Variants in ZNF618 observed in about 807,000 individuals in gnomAD.
ZNF618 encodes the protein neural precursor cell expressed, developmentally down-regulated 10.
ZNF618 carries 34 observed loss-of-function variants against 103.0 expected under a neutral mutation model. That is an observed-to-expected ratio of 0.33 (90% CI 0.25 to 0.44). The LOEUF (loss-of-function observed/expected upper bound fraction) is 0.44, where lower values mean the gene tolerates loss of function less well. Ranked by LOEUF, ZNF618 falls within the 20% of genes least tolerant of loss-of-function variation. ZNF618 has a pLI of 1.00. For missense variants in ZNF618, 1,059 were observed against 1,295.4 expected, an observed-to-expected ratio of 0.82 and a Z score of 2.80; for synonymous variants, 551 against 542.2, an observed-to-expected ratio of 1.02 and a Z score of -0.23.
At chr9:113,960,915 A>C (rs144298969) in intron 1 of ZNF618, among the ~76,000 whole-genome samples, 125 of 152,310 alleles carry the variant, frequency 8.2e-4, no homozygotes, top group African/African-American at 2.8e-3. Context: ...GAGCCTGTGC[A>C]TGTTGGGTGG....
chr9:113,938,170 T>TG (rs1388085293), intron 1 of ZNF618, among the ~76,000 whole-genome samples: 2 of 141,946 alleles, frequency 1.4e-5, no homozygotes, highest in Non-Finnish European at 3.1e-5. Context: ...CTCCTGTTTT[T>TG]TTTTTTTTTT....
intron 13 of ZNF618, among the ~76,000 whole-genome samples, chr9:114,046,691 T>C (rs533782082): frequency 6.6e-6 from 1 of 152,310 alleles, no homozygotes; most frequent in Admixed American, 6.5e-5. Flanking sequence ...AGATGCTCTT[T>C]ATTAGGTTGG....
intron 1 of ZNF618, among the ~76,000 whole-genome samples, chr9:113,879,151 G>A (rs1056751776): frequency 4.0e-5 from 6 of 151,888 alleles, no homozygotes; most frequent in African/African-American, 1.5e-4. Context: ...CAGTGATGAA[G>A]GAGAGATGGG....
intron 1 of ZNF618, among the ~76,000 whole-genome samples, chr9:113,879,950 A>G (rs1430407244): frequency 6.6e-6 from 1 of 152,260 alleles, no homozygotes; most frequent in Admixed American, 6.5e-5. Flanking sequence ...AGCAACAAAG[A>G]TGGCTGGTCA....
chr9:113,956,725 G>T (rs900972996), intron 1 of ZNF618, among the ~76,000 whole-genome samples: 5 of 152,198 alleles, frequency 3.3e-5, no homozygotes, highest in Admixed American at 6.5e-5. Context: ...CTTCCTAGAG[G>T]TGGTTAGAGT....
chr9:113,998,677 T>C (rs533323406), intron 4 of ZNF618, among the ~76,000 whole-genome samples: 1 of 152,330 alleles, frequency 6.6e-6, no homozygotes, highest in East Asian at 1.9e-4. Flanking sequence ...CCAAATGTGT[T>C]TGGGAGACCC....
chr9:113,978,895 A>G (rs1185092290), intron 2 of ZNF618, among the ~76,000 whole-genome samples: 2 of 152,194 alleles, frequency 1.3e-5, no homozygotes, highest in Non-Finnish European at 2.9e-5. Flanking sequence ...CCAGCATGTC[A>G]TAAGCACTCA....
chr9:113,988,202 C>CG lies in ZNF618; in HGVS notation c.78-114dup. ...GGGTTGTGTGGGAGGCTAAGGGGGCCGGGGGCCCTAGAATTCACTATGCAC... is the reference window on the plus strand; with the variant it reads ...GGGTTGTGTGGGAGGCTAAGGGGGCCGGGGGGCCCTAGAATTCACTATGCAC... On this transcript the variant is annotated intron_variant, in intron 2 of 14. Transcript: ENST00000374126. The CG allele has an allele frequency of 5.1e-6, 7 of 1,364,314 alleles. No individual in the cohort carries two copies. In the South Asian group the frequency reaches 1.1e-4, roughly 21 times the overall value. The allele number at this position is 1,364,314 out of a possible 1,614,324, so 84.5% of individuals were successfully genotyped here.
chr9:113,976,475 A>G (rs1470126148), intron 2 of ZNF618, among the ~76,000 whole-genome samples: 1 of 152,158 alleles, frequency 6.6e-6, no homozygotes, highest in African/African-American at 2.4e-5. Flanking sequence ...CAACCTCACC[A>G]TCTGTCTGGC....
intron 6 of ZNF618, 85 bp from the exon 7 acceptor site, chr9:114,007,265 G>T: frequency 8.7e-7 from 1 of 1,152,290 alleles, no homozygotes; most frequent in Non-Finnish European, 1.3e-6. Context: ...TTTCATCTTT[G>T]GTTTCTGAGA....
chr9:113,951,536 T>TGAGTGC (rs1835729923), intron 1 of ZNF618, among the ~76,000 whole-genome samples: 4 of 76,976 alleles, frequency 5.2e-5, no homozygotes, highest in Admixed American at 1.6e-4. Flanking sequence ...CATATGTGTG[T>TGAGTGC]ACATATGTAC....
chr9:114,030,324 TC>T (rs926554050), intron 11 of ZNF618, among the ~76,000 whole-genome samples: 4 of 152,248 alleles, frequency 2.6e-5, no homozygotes, highest in African/African-American at 9.6e-5. Context: ...GTTGTGTTTT[TC>T]AACAGTAGCA....
At chr9:113,999,605 G>T (rs1840981245) in intron 4 of ZNF618, among the ~76,000 whole-genome samples, 1 of 152,186 alleles carries the variant, frequency 6.6e-6, no homozygotes. Context: ...CCACAGCTTG[G>T]GGTGAACTCC....
At chr9:114,030,062 A>G (rs1843870913) in intron 11 of ZNF618, among the ~76,000 whole-genome samples, 2 of 152,196 alleles carry the variant, frequency 1.3e-5, no homozygotes, top group Non-Finnish European at 2.9e-5. Context: ...CATTTCTTAA[A>G]TAAATAGATG....
Position 113,986,109 on chromosome 9 carries a change from A to G in ZNF618, c.78-2212A>G, listed in dbSNP as rs148054353. 6.9e-3 allele frequency among the ~76,000 whole-genome samples: 1,049 copies of G among 152,304 alleles called. 4 individuals are homozygous for G. The highest frequency in any genetic ancestry group is 0.012 in the Non-Finnish European group (804 of 68,016). ...CTCTAACAGTGTGTCATTATTAACAATGGTCGTGGTGACCATGTCTTGAGA... is the reference window on the plus strand; with the variant it reads ...CTCTAACAGTGTGTCATTATTAACAGTGGTCGTGGTGACCATGTCTTGAGA... On this transcript the variant is annotated intron_variant, in intron 2 of 14. Coordinates refer to ENST00000374126, the MANE Select transcript of ZNF618 (RefSeq NM_001318042.2).
intron 13 of ZNF618, among the ~76,000 whole-genome samples, chr9:114,043,697 C>G (rs536716376): frequency 2.6e-5 from 4 of 152,322 alleles, no homozygotes; most frequent in African/African-American, 9.6e-5. Flanking sequence ...TCCACCACAT[C>G]CATGCCAACA....
intron 1 of ZNF618, among the ~76,000 whole-genome samples, chr9:113,920,757 A>G (rs527708112): frequency 1.3e-4 from 20 of 152,348 alleles, no homozygotes; most frequent in African/African-American, 4.8e-4. Flanking sequence ...GGATTAAATG[A>G]AAGAATGGAT....
At chr9:113,963,521 TACTG>T (rs1435777018) in intron 1 of ZNF618, among the ~76,000 whole-genome samples, 2 of 152,056 alleles carry the variant, frequency 1.3e-5, no homozygotes, top group South Asian at 2.1e-4. Flanking sequence ...GCCTGAAAAA[TACTG>T]ACCACTGGGC....
Position 114,032,738 on chromosome 9 carries a change from CCCCTTGACAG to C in ZNF618, c.1168+13_1168+22del. ...TCGCAGAACTCCAGCGGTGAGTGTG[CCCCTTGACAG>C]CCATCCTGTGCGGTAGCTGCCAGCT... On this transcript the variant is annotated intron_variant, in intron 12 of 14. Coordinates refer to ENST00000374126, the MANE Select transcript of ZNF618 (RefSeq NM_001318042.2). 1 of 1,613,484 alleles carries C rather than the reference CCCCTTGACAG, an allele frequency of 6.2e-7. No individual in the cohort carries two copies. The highest frequency in any genetic ancestry group is 8.5e-7 in the Non-Finnish European group (1 of 1,179,438).
Sources: gnomAD v4.1 joint callset for allele counts (sites outside exome capture counted in the v4.1 genomes callset) on GRCh38, gnomAD v4.1.1 for gene constraint, MANE v1.5 for transcripts, NCBI Gene and HGNC (gene_info 2026-07-23, HGNC 2026-07-21) for gene names.